KSR1: variants seen among roughly 807,000 people sequenced by gnomAD.
KSR1 encodes the protein kinase suppressor of ras.
In KSR1, 35 loss-of-function variants were observed where a neutral mutation model predicts 92.9. The ratio of observed to expected loss-of-function variants is 0.38; its 90% confidence interval spans 0.29 to 0.50. The LOEUF (loss-of-function observed/expected upper bound fraction) is 0.50, where lower values mean the gene tolerates loss of function less well. Among genes scored for constraint, KSR1 ranks in the 20% least tolerant of loss-of-function variants. The pLI, the probability that KSR1 is intolerant of heterozygous loss-of-function variation, is 0.94. For synonymous variants in KSR1, 467 were observed against 472.6 expected (o/e 0.99, Z 0.15); for missense variants, 972 against 1,158.5 (o/e 0.84, Z 2.34).
In KSR1 at chr17:27,623,520, T is replaced by C; in HGVS notation, c.*128T>C. On this transcript the variant is annotated 3_prime_UTR_variant, in exon 21 of 21. Coordinates refer to ENST00000644974, the MANE Select transcript of KSR1 (RefSeq NM_001394583.1). Reference sequence around the variant, plus strand: ...GCAAACCAGGAGCACACGTCCTAGATTCAGACTGTTGGCCATAAACCCCAC... The same window carrying C: ...GCAAACCAGGAGCACACGTCCTAGACTCAGACTGTTGGCCATAAACCCCAC... 1 of 683,550 alleles carries C rather than the reference T, an allele frequency of 1.5e-6. No homozygotes were observed. The highest frequency in any genetic ancestry group is 1.6e-5 in the South Asian group (1 of 63,986). The allele number at this position is 683,550 out of a possible 1,614,324, so 42.3% of individuals were successfully genotyped here. A position where few individuals can be genotyped will look rare whatever the true frequency, so the allele number is the denominator to read the frequency against.
chr17:27,542,944 C>T (rs1346069853), intron 1 of KSR1, among the ~76,000 whole-genome samples: 2 of 152,224 alleles, frequency 1.3e-5, no homozygotes, highest in Non-Finnish European at 2.9e-5. Context: ...AGCCTCCTGG[C>T]TGCCAAACCC....
At chr17:27,520,086 A>G (rs2069961535) in intron 1 of KSR1, among the ~76,000 whole-genome samples, 1 of 152,190 alleles carries the variant, frequency 6.6e-6, no homozygotes, top group Non-Finnish European at 1.5e-5. Context: ...TTTATACCGA[A>G]TGAATTATTT....
chr17:27,495,531 C>T (rs1340234123), intron 1 of KSR1, among the ~76,000 whole-genome samples: 1 of 152,140 alleles, frequency 6.6e-6, no homozygotes, highest in Non-Finnish European at 1.5e-5. Context: ...CTGATCTGCC[C>T]CAAAGGTGGA....
chr17:27,586,035 T>C, intron 5 of KSR1: 1 of 291,992 alleles, frequency 3.4e-6, no homozygotes, highest in South Asian at 5.2e-5. Flanking sequence ...GCCATCTGCC[T>C]GATTTCGCTA....
chr17:27,526,505 T>A, intron 1 of KSR1: 1 of 1,604,112 alleles, frequency 6.2e-7, no homozygotes, highest in Non-Finnish European at 8.5e-7. Context: ...TTATCCTGTG[T>A]TCCTCCTCTG....
At chr17:27,595,712 C>G (rs1053745271) in intron 9 of KSR1, among the ~76,000 whole-genome samples, 2 of 148,544 alleles carry the variant, frequency 1.3e-5, no homozygotes, top group Non-Finnish European at 3.0e-5. Context: ...CCTTTGCCCC[C>G]CTTTTCCATT....
intron 17 of KSR1, 108 bp downstream of exon 17, chr17:27,610,306 C>G: frequency 6.7e-7 from 1 of 1,488,378 alleles, no homozygotes; most frequent in Non-Finnish European, 9.1e-7. Context: ...AACCCAGGCT[C>G]TGGAGTAAAA....
At chr17:27,602,465 A>G (rs982540113) in intron 11 of KSR1, among the ~76,000 whole-genome samples, 42 of 152,240 alleles carry the variant, frequency 2.8e-4, no homozygotes, top group Admixed American at 2.6e-4. Context: ...CCCCGAAGAT[A>G]TGTCACAGGG....
intron 13 of KSR1, 55 bp from the exon 14 acceptor site, chr17:27,605,379 A>G: frequency 6.4e-7 from 1 of 1,551,540 alleles, no homozygotes; most frequent in South Asian, 1.2e-5. Context: ...GAAGGAAGAG[A>G]CGTCGCAGAG....
chr17:27,481,283 C>G (rs898388454), intron 1 of KSR1, among the ~76,000 whole-genome samples: 1 of 152,030 alleles, frequency 6.6e-6, no homozygotes, highest in Admixed American at 6.5e-5. Flanking sequence ...CTGGGTCTGC[C>G]GTGAACTGCT....
intron 1 of KSR1, among the ~76,000 whole-genome samples, chr17:27,462,160 A>G (rs914356462): frequency 4.6e-5 from 7 of 152,224 alleles, no homozygotes; most frequent in African/African-American, 1.7e-4. Flanking sequence ...GGCTCTCGGC[A>G]TATGTTGCAC....
rs1417754659 is a variant in KSR1 at position 27,526,821 on chromosome 17, GCTC to G, written c.232-23739_232-23737del. 5.9e-6 allele frequency: 5 copies of G among 845,368 alleles called. No individual in the cohort carries two copies. The East Asian group carries it at 1.2e-4, about 21-fold the overall frequency. 52.4% of individuals were successfully genotyped at this position (845,368 alleles called of 1,614,324 possible). A position where few individuals can be genotyped will look rare whatever the true frequency, so the allele number is the denominator to read the frequency against. On this transcript the variant is annotated intron_variant, in intron 1 of 20. Transcript: ENST00000644974. ...TCTTGGGCCGTGGCGTGGTATTTGG[GCTC>G]CTCCTCCGGGGGGAGGGGTGGAAGG...
chr17:27,540,839 C>G (rs2070937448), intron 1 of KSR1, among the ~76,000 whole-genome samples: 1 of 152,264 alleles, frequency 6.6e-6, no homozygotes, highest in South Asian at 2.1e-4. Context: ...GCATCACAAC[C>G]TCCAGAGGCC....
At chr17:27,574,397 T>G (rs2072426581) in intron 2 of KSR1, among the ~76,000 whole-genome samples, 1 of 152,148 alleles carries the variant, frequency 6.6e-6, no homozygotes, top group Non-Finnish European at 1.5e-5. Context: ...GCAACCAGGG[T>G]TTTGGCCAAC....
intron 17 of KSR1, among the ~76,000 whole-genome samples, chr17:27,610,704 T>A (rs2151247314): frequency 6.6e-6 from 1 of 152,376 alleles, no homozygotes; most frequent in Admixed American, 6.5e-5. Context: ...CCTGTTTATG[T>A]TTTATATATT....
At chr17:27,618,939 T>G (rs562393608) in intron 19 of KSR1, among the ~76,000 whole-genome samples, 1 of 152,318 alleles carries the variant, frequency 6.6e-6, no homozygotes, top group Non-Finnish European at 1.5e-5. Context: ...CAAGTGATGC[T>G]CTTGCCTCGG....
intron 6 of KSR1, among the ~76,000 whole-genome samples, chr17:27,590,568 G>C (rs970685093): frequency 1.3e-5 from 2 of 152,188 alleles, no homozygotes; most frequent in Non-Finnish European, 2.9e-5. Context: ...TGCCAAATTG[G>C]TACTGCCAGA....
At chr17:27,580,810 G>T (rs968115075) in intron 3 of KSR1, among the ~76,000 whole-genome samples, 1 of 152,026 alleles carries the variant, frequency 6.6e-6, no homozygotes, top group Non-Finnish European at 1.5e-5. Context: ...TTTATGAGAC[G>T]GCCTGGAGTG....
At chr17:27,511,918 A>C (rs1339274462) in intron 1 of KSR1, among the ~76,000 whole-genome samples, 1 of 152,234 alleles carries the variant, frequency 6.6e-6, no homozygotes, top group Admixed American at 6.5e-5. Context: ...GCTGAAGTGT[A>C]AGCTTGCTCA....
Sources: allele counts gnomAD v4.1 joint callset (sites outside exome capture counted in the v4.1 genomes callset), GRCh38; gene constraint gnomAD v4.1.1; transcripts MANE v1.5; gene names NCBI Gene and HGNC (gene_info 2026-07-23, HGNC 2026-07-21).